NGLY1: variants seen among roughly 807,000 people sequenced by gnomAD.
NGLY1 encodes peptide-N(4)-(N-acetyl-beta-glucosaminyl)asparagine amidase.
NGLY1 carries 68 observed loss-of-function variants against 84.6 expected under a neutral mutation model. The ratio of observed to expected loss-of-function variants is 0.80; its 90% CI spans 0.66 to 0.98. The LOEUF (loss-of-function observed/expected upper bound fraction) is 0.98. NGLY1 is among the 50% of genes least tolerant of loss of function. The probability of loss-of-function intolerance (pLI) is 0.00; values close to 1 mark genes in which losing one functional copy is unlikely to be tolerated. For missense variants in NGLY1, 779 were observed against 770.2 expected (o/e 1.01, Z -0.14); for synonymous variants, 280 against 275.2 (o/e 1.02, Z -0.17).
At chr3:25,767,291 C>CAAA (rs545173545) in intron 2 of NGLY1, among the ~76,000 whole-genome samples, 1 of 89,500 alleles carries the variant, frequency 1.1e-5, no homozygotes. Context: ...GACTCCGTCT[C>CAAA]AAAAAAAAAA....
rs915412085 is a variant in NGLY1 at position 25,736,139 on chromosome 3, C to A, written c.1014G>T (p.Trp338Cys). ...GCTGAGAAGGAGAATAGACTTCTGTCCAGACATGGTCTACTCAAGTAAGAG... is the reference window on the plus strand; with the variant it reads ...GCTGAGAAGGAGAATAGACTTCTGTACAGACATGGTCTACTCAAGTAAGAG... The part of the protein sequence containing the change: ...RYVWDYTDHV[W>C]TEVYSPSQQR... Residue 338 changes from tryptophan (W) to cysteine (C), a missense_variant, in exon 7 of 12, where the codon TGG becomes TGT. Physicochemically the swap from Trp to Cys is radical, Grantham distance 215. Transcript: ENST00000280700. The A allele has an allele frequency of 3.7e-6, 6 of 1,612,544 alleles. No homozygotes were observed. The highest frequency in any genetic ancestry group is 1.1e-5 in the South Asian group (1 of 90,798).
chr3:25,722,706 A>G (rs950726985), intron 10 of NGLY1, among the ~76,000 whole-genome samples: 1 of 152,200 alleles, frequency 6.6e-6, no homozygotes, highest in Non-Finnish European at 1.5e-5. Flanking sequence ...CAACGCCACT[A>G]TAACATCCTC....
intron 10 of NGLY1, among the ~76,000 whole-genome samples, chr3:25,724,221 T>C (rs1705144765): frequency 1.3e-5 from 2 of 152,204 alleles, no homozygotes; most frequent in South Asian, 4.1e-4. Flanking sequence ...GAAGCTCTTC[T>C]TTAATACACT....
chr3:25,746,187 A>AATT (rs1706418217), intron 4 of NGLY1, among the ~76,000 whole-genome samples: 1 of 152,212 alleles, frequency 6.6e-6, no homozygotes, highest in Non-Finnish European at 1.5e-5. Flanking sequence ...GTTCCCAAAT[A>AATT]GAGCCTGTCC....
chr3:25,783,099 C>A lies in NGLY1; in HGVS notation c.131+161G>T, dbSNP rs1708495619. 3 of 623,672 alleles carry A rather than the reference C, an allele frequency of 4.8e-6. No homozygotes were observed. Among genetic ancestry groups the A allele is most frequent in the Non-Finnish European group, 8.0e-6 (3 of 376,152 alleles). The allele number at this position is 623,672 out of a possible 1,614,324, so 38.6% of individuals were successfully genotyped here. A position where few individuals can be genotyped will look rare whatever the true frequency, so the allele number is the denominator to read the frequency against. ...CTTGGCCGGGTCCCGAGGCCCCTGG[C>A]CGGCGGGCTCGGACGTTAGGAGCAG... On this transcript the variant is annotated intron_variant, in intron 1 of 11. Transcript: ENST00000280700. This position sits in a 1 kb window ranked among gnomAD's most constrained non-coding sequence, Gnocchi z 4.5.
rs1262972492 is a variant in NGLY1 at position 25,783,317 on chromosome 3, G to A, written c.74C>T (p.Pro25Leu). 13 of 1,602,398 alleles carry A rather than the reference G, an allele frequency of 8.1e-6. No homozygotes were observed. Among genetic ancestry groups the A allele is most frequent in the Non-Finnish European group, 1.1e-5 (13 of 1,175,484 alleles). The change falls in exon 1 of 12, where the codon CCG (proline) becomes CTG (leucine). Residue 25 changes from proline to leucine, a missense_variant. Coordinates refer to ENST00000280700, the MANE Select transcript of NGLY1 (RefSeq NM_018297.4). This position sits in a 1 kb window ranked among gnomAD's most constrained non-coding sequence, Gnocchi z 4.5. ...CTTGGAGGCCTCCAAAAAGGTCTCC[G>A]GGGTGTTCTGGCAGAGCTCAGCCAC... The part of the protein sequence containing the change: ...PAVAELCQNT[P>L]ETFLEASKLL...
chr3:25,747,418 A>G (rs1236837598), intron 4 of NGLY1, among the ~76,000 whole-genome samples: 1 of 152,228 alleles, frequency 6.6e-6, no homozygotes, highest in Non-Finnish European at 1.5e-5. Flanking sequence ...CTGTAGCAGA[A>G]GTAAATCTAA....
intron 4 of NGLY1, chr3:25,749,805 A>C (rs1051623413): frequency 1.6e-6 from 2 of 1,267,474 alleles, no homozygotes; most frequent in African/African-American, 2.9e-5. Flanking sequence ...GTTTCCTCCA[A>C]GAACTGCAAA....
intron 2 of NGLY1, among the ~76,000 whole-genome samples, chr3:25,768,268 CA>C (rs1302067651): frequency 1.4e-5 from 2 of 146,810 alleles, no homozygotes; most frequent in Admixed American, 6.8e-5. Flanking sequence ...ACTAAAAATA[CA>C]AAAAAAATTA....
intron 3 of NGLY1, among the ~76,000 whole-genome samples, chr3:25,762,063 T>A (rs1216273875): frequency 6.6e-6 from 1 of 152,176 alleles, no homozygotes; most frequent in Non-Finnish European, 1.5e-5. Context: ...TATTCCAGTA[T>A]TTTGTATCTT....
intron 4 of NGLY1, among the ~76,000 whole-genome samples, chr3:25,749,100 G>A (rs931524248): frequency 3.3e-5 from 5 of 152,136 alleles, no homozygotes; most frequent in African/African-American, 9.7e-5. Flanking sequence ...AATAATAAGC[G>A]TTGGTAAAAA....
At chr3:25,741,960 C>G (rs1347256892) in intron 4 of NGLY1, among the ~76,000 whole-genome samples, 1 of 152,112 alleles carries the variant, frequency 6.6e-6, no homozygotes, top group Non-Finnish European at 1.5e-5. Context: ...GAGATCGCGC[C>G]ACTGCACTCC....
At chr3:25,779,272 A>G (rs1575667236) in intron 1 of NGLY1, among the ~76,000 whole-genome samples, 1 of 152,332 alleles carries the variant, frequency 6.6e-6, no homozygotes, top group South Asian at 2.1e-4. Context: ...GTATGGCAAT[A>G]AAAGGAAGAC....
intron 2 of NGLY1, among the ~76,000 whole-genome samples, chr3:25,773,873 G>A (rs973028578): frequency 6.6e-6 from 1 of 152,180 alleles, no homozygotes; most frequent in African/African-American, 2.4e-5. Context: ...GGACTGCAGT[G>A]ATTGTTATTG....
At chr3:25,732,661 A>C (rs927838172) in intron 8 of NGLY1, among the ~76,000 whole-genome samples, 178 bp from the exon 9 acceptor site, 2 of 152,174 alleles carry the variant, frequency 1.3e-5, no homozygotes, top group Admixed American at 1.3e-4. Context: ...AACTTAAATA[A>C]TTTTATAAAT....
At chr3:25,758,967 T>C (rs796247969) in intron 3 of NGLY1, among the ~76,000 whole-genome samples, 1 of 152,342 alleles carries the variant, frequency 6.6e-6, no homozygotes, top group African/African-American at 2.4e-5. Context: ...CCCTCTTCCA[T>C]TTTGATTCAG....
chr3:25,729,564 T>C (rs1157579321), intron 9 of NGLY1: 1 of 262,740 alleles, frequency 3.8e-6, no homozygotes, highest in Non-Finnish European at 7.0e-6. Flanking sequence ...TGATTTTGCA[T>C]TCAATGAATT....
At chr3:25,773,050 A>G (rs993621902) in intron 2 of NGLY1, among the ~76,000 whole-genome samples, 4 of 152,134 alleles carry the variant, frequency 2.6e-5, no homozygotes, top group Non-Finnish European at 5.9e-5. Flanking sequence ...TTTGCCTAAG[A>G]GCTTGTAAGA....
At chr3:25,736,407 A>T in intron 6 of NGLY1, 1 of 1,540,442 alleles carries the variant, frequency 6.5e-7, no homozygotes, top group Non-Finnish European at 8.8e-7. Flanking sequence ...AACTCTTAAG[A>T]AGGTAGACAT....
Sources: allele counts gnomAD v4.1 joint callset (sites outside exome capture counted in the v4.1 genomes callset), GRCh38; gene constraint gnomAD v4.1.1; non-coding constraint Gnocchi (gnomAD v3.1); transcripts MANE v1.5; gene names NCBI Gene and HGNC (gene_info 2026-07-23, HGNC 2026-07-21).